The following CNTNAP5 variants were observed in gnomAD, a reference collection of about 807,000 sequenced individuals.
CNTNAP5 encodes the protein contactin-associated protein-like 5.
CNTNAP5 carries 72 observed loss-of-function variants against 150.2 expected under a neutral mutation model. The observed-to-expected ratio is 0.48, with a 90% CI of 0.40 to 0.58. CNTNAP5 has a LOEUF of 0.58. Ranked by LOEUF, CNTNAP5 falls within the 20% of genes least tolerant of loss-of-function variation. The pLI is 0.00. For synonymous variants in CNTNAP5, 672 were observed against 619.8 expected, an observed-to-expected ratio of 1.08 and a Z score of -1.25; for missense variants, 1,636 against 1,626.2, an observed-to-expected ratio of 1.01 and a Z score of -0.10.
chr2:124,123,778 T>TCCGCTAGAGAGTCAAG (rs1683623253), intron 1 of CNTNAP5, among the ~76,000 whole-genome samples: 1 of 152,152 alleles, frequency 6.6e-6, no homozygotes, highest in African/African-American at 2.4e-5. Context: ...CCGCTAGTGA[T>TCCGCTAGAGAGTCAAG]ACCCAGGCAA....
In CNTNAP5 at chr2:124,883,269, C is replaced by T. The variant is rs370744523; in HGVS notation, c.3436+13507C>T. Among the ~76,000 whole-genome samples, 14 of 151,856 alleles carry T rather than the reference C, an allele frequency of 9.2e-5. 1 individual carries two copies. The highest frequency in any genetic ancestry group is 3.4e-3 in the Middle Eastern group (1 of 294). ...TAGAGATGGGCTTTCACCATGTTGC[C>T]CGGGCTGGTCTTGAACTCATGGGCT... On this transcript the variant is annotated intron_variant, in intron 21 of 23. Transcript: ENST00000682447.
At chr2:124,358,085 C>T (rs1192432154) in intron 3 of CNTNAP5, among the ~76,000 whole-genome samples, 2 of 152,154 alleles carry the variant, frequency 1.3e-5, no homozygotes, top group Admixed American at 6.5e-5. Flanking sequence ...AATGGGAGTT[C>T]ACTCATGGTT....
rs556571236 is a variant in CNTNAP5, at chr2:124,057,448, A to ATTTTTTTTTTTTTTTTTT, written c.82+31722_82+31739dup. 2.9e-3 allele frequency among the ~76,000 whole-genome samples: 181 copies of ATTTTTTTTTTTTTTTTTT among 62,774 alleles called. 40 individuals are homozygous for ATTTTTTTTTTTTTTTTTT. Among genetic ancestry groups the ATTTTTTTTTTTTTTTTTT allele is most frequent in the African/African-American group, 0.013 (165 of 12,732 alleles). The allele number at this position is 62,774 out of a possible 152,430, so 41.2% of individuals were successfully genotyped here. A position where few individuals can be genotyped will look rare whatever the true frequency, so the allele number is the denominator to read the frequency against. On this transcript the variant is annotated intron_variant, in intron 1 of 23. Transcript: ENST00000682447. ...AGGCACCCACCAGCACGGCCAGCTAATTTTTTTTTTTTTTTTTTTTTTTAG... is the reference window on the plus strand; with the variant it reads ...AGGCACCCACCAGCACGGCCAGCTAATTTTTTTTTTTTTTTTTTTTTTTTTTTTTTTTTTTTTTTTTAG...
chr2:124,314,754 A>G (rs984641915), intron 3 of CNTNAP5, among the ~76,000 whole-genome samples: 7 of 152,186 alleles, frequency 4.6e-5, no homozygotes, highest in Non-Finnish European at 7.3e-5. Context: ...TCCAACTATC[A>G]GTTCATCTAT....
intron 3 of CNTNAP5, among the ~76,000 whole-genome samples, chr2:124,303,577 C>T (rs1688615669): frequency 6.6e-6 from 1 of 152,134 alleles, no homozygotes; most frequent in Non-Finnish European, 1.5e-5. Context: ...AACATCGACA[C>T]ATTGAAGTGT....
chr2:124,331,065 C>T (rs529112148), intron 3 of CNTNAP5, among the ~76,000 whole-genome samples: 5 of 152,136 alleles, frequency 3.3e-5, no homozygotes, highest in Admixed American at 1.3e-4. Context: ...TCATACTTGT[C>T]GGAGTCCTTT....
intron 11 of CNTNAP5, among the ~76,000 whole-genome samples, chr2:124,585,348 C>A (rs1184704912): frequency 6.6e-6 from 1 of 152,100 alleles, no homozygotes; most frequent in Non-Finnish European, 1.5e-5. Context: ...ACTAAACTAC[C>A]CTTAGTTCAG....
intron 12 of CNTNAP5, among the ~76,000 whole-genome samples, chr2:124,643,294 T>G (rs1284912187): frequency 6.6e-6 from 1 of 152,076 alleles, no homozygotes; most frequent in Admixed American, 6.5e-5. Flanking sequence ...TGTCTAATTG[T>G]GGGATTGGGT....
chr2:124,092,175 G>A (rs1270399729), intron 1 of CNTNAP5, among the ~76,000 whole-genome samples: 1 of 152,170 alleles, frequency 6.6e-6, no homozygotes, highest in Non-Finnish European at 1.5e-5. Flanking sequence ...CATTATACAA[G>A]GGGATAAACT....
chr2:124,137,112 C>T (rs1373239627), intron 1 of CNTNAP5, among the ~76,000 whole-genome samples: 1 of 152,110 alleles, frequency 6.6e-6, no homozygotes, highest in Non-Finnish European at 1.5e-5. Flanking sequence ...CTATGAGCTC[C>T]TCAAGGGCTA....
chr2:124,687,230 C>A (rs959931926), intron 13 of CNTNAP5, among the ~76,000 whole-genome samples: 2 of 151,764 alleles, frequency 1.3e-5, no homozygotes, highest in African/African-American at 4.8e-5. Flanking sequence ...TAAAAATCTC[C>A]CACACAAGTT....
intron 1 of CNTNAP5, among the ~76,000 whole-genome samples, chr2:124,169,088 C>CT (rs559140120): frequency 0.1 from 15,690 of 149,834 alleles, 919 homozygotes; most frequent in Middle Eastern, 0.2. Context: ...GATGCTGCTT[C>CT]TTTTTTTTTT....
intron 10 of CNTNAP5, among the ~76,000 whole-genome samples, chr2:124,545,001 G>T (rs1053153135): frequency 6.6e-6 from 1 of 151,890 alleles, no homozygotes; most frequent in African/African-American, 2.4e-5. Context: ...GTGATTTAAC[G>T]ATTACTAGAT....
chr2:124,504,961 C>G (rs1694369753), intron 8 of CNTNAP5, among the ~76,000 whole-genome samples: 1 of 152,078 alleles, frequency 6.6e-6, no homozygotes, highest in Admixed American at 6.6e-5. Flanking sequence ...CCGCCTTGGG[C>G]TCTCACAGTG....
chr2:124,406,102 T>C (rs1280204758), intron 3 of CNTNAP5, among the ~76,000 whole-genome samples: 2 of 152,214 alleles, frequency 1.3e-5, no homozygotes, highest in African/African-American at 4.8e-5. Flanking sequence ...ACGGGTTACA[T>C]AAAACTGTGT....
intron 3 of CNTNAP5, among the ~76,000 whole-genome samples, chr2:124,343,634 A>G (rs550383952): frequency 1.3e-5 from 2 of 152,126 alleles, no homozygotes; most frequent in Non-Finnish European, 2.9e-5. Context: ...AGAAACTTTT[A>G]CTCTTTGGTA....
chr2:124,396,899 C>T (rs902670040), intron 3 of CNTNAP5, among the ~76,000 whole-genome samples: 6 of 152,158 alleles, frequency 3.9e-5, no homozygotes, highest in African/African-American at 1.4e-4. Context: ...TGCTCCAGGA[C>T]TTTTTGTCTT....
intron 10 of CNTNAP5, among the ~76,000 whole-genome samples, chr2:124,560,514 A>C (rs1354639236): frequency 3.6e-5 from 1 of 27,660 alleles, no homozygotes; most frequent in Non-Finnish European, 7.5e-5. Flanking sequence ...GCAAGACTCC[A>C]TTTCAAAAAA....
chr2:124,101,890 C>G (rs904697883), intron 1 of CNTNAP5, among the ~76,000 whole-genome samples: 1 of 152,198 alleles, frequency 6.6e-6, no homozygotes, highest in Non-Finnish European at 1.5e-5. Flanking sequence ...CAGACATTCA[C>G]TCTTCTTAAT....
Sources: gnomAD v4.1 joint callset for allele counts (sites outside exome capture counted in the v4.1 genomes callset) on GRCh38, gnomAD v4.1.1 for gene constraint, MANE v1.5 for transcripts, NCBI Gene and HGNC (gene_info 2026-07-23, HGNC 2026-07-21) for gene names.